Variants in RARB observed in about 807,000 individuals in gnomAD.
RARB encodes the protein HBV-activated protein.
In RARB, 17 loss-of-function variants were observed where a neutral mutation model predicts 51.9. That is an observed-to-expected ratio of 0.33 (90% CI 0.22 to 0.49). The LOEUF (loss-of-function observed/expected upper bound fraction) is 0.49. Ranked by LOEUF, RARB falls within the 20% of genes least tolerant of loss-of-function variation. RARB has a pLI of 0.99. For synonymous variants in RARB, 215 were observed against 195.4 expected (o/e 1.10, Z -0.84); for missense variants, 369 against 550.8 (o/e 0.67, Z 3.30).
At chr3:25,403,494 A>G (rs1707321157) in intron 5 of RARB, among the ~76,000 whole-genome samples, 1 of 152,242 alleles carries the variant, frequency 6.6e-6, no homozygotes, top group Admixed American at 6.5e-5. Flanking sequence ...AATTTATGTT[A>G]CTTAGGCTAG....
chr3:25,360,964 G>A (rs1187457527), intron 5 of RARB, among the ~76,000 whole-genome samples: 4 of 152,096 alleles, frequency 2.6e-5, no homozygotes, highest in African/African-American at 9.7e-5. Context: ...TCTTGGAGTT[G>A]CTCTTCTCAA....
chr3:25,561,678 C>T (rs1381806213), intron 3 of RARB, among the ~76,000 whole-genome samples: 1 of 152,110 alleles, frequency 6.6e-6, no homozygotes, highest in African/African-American at 2.4e-5. Context: ...TTTTACATAA[C>T]ATTTTAAGAG....
chr3:25,073,421 T>G (rs78103883), intron 3 of RARB, among the ~76,000 whole-genome samples: 3,896 of 152,314 alleles, frequency 0.026, 216 homozygotes, highest in South Asian at 0.17. Flanking sequence ...CTCAGAACAT[T>G]AGTTCTGCAA....
At position 25,560,714 on chromosome 3, in the gene RARB, C is replaced by T. The variant is rs1190901833; in HGVS notation, c.449-9044C>T. ...TCTTTCCTCCCTCCCTCATTTTTTCCTTCCTTGGTTTCTTTCTACCTTCCT... is the reference window on the plus strand; with the variant it reads ...TCTTTCCTCCCTCCCTCATTTTTTCTTTCCTTGGTTTCTTTCTACCTTCCT... On this transcript the variant is annotated intron_variant, in intron 3 of 7. Transcript: ENST00000330688. Among the ~76,000 whole-genome samples, 6 of 152,064 alleles carry T rather than the reference C, an allele frequency of 3.9e-5. No homozygotes were observed. The South Asian group carries it at 8.3e-4, about 21-fold the overall frequency.
chr3:25,154,473 T>G (rs1700342928), intron 4 of RARB, among the ~76,000 whole-genome samples: 1 of 152,306 alleles, frequency 6.6e-6, no homozygotes, highest in African/African-American at 2.4e-5. Context: ...TTGGGCCCTC[T>G]CAGTGGGACC....
intron 3 of RARB, among the ~76,000 whole-genome samples, chr3:25,072,675 TTCTA>T (rs1698791102): frequency 6.6e-6 from 1 of 152,144 alleles, no homozygotes; most frequent in Admixed American, 6.5e-5. Context: ...TAGAAATGGC[TTCTA>T]TCTACCTACA....
At chr3:25,376,598 C>T (rs961654661) in intron 5 of RARB, among the ~76,000 whole-genome samples, 8 of 152,152 alleles carry the variant, frequency 5.3e-5, no homozygotes, top group Non-Finnish European at 1.0e-4. Context: ...GTGCACCTAC[C>T]TACACAACTC....
At chr3:25,148,537 A>G (rs1700231084) in intron 4 of RARB, among the ~76,000 whole-genome samples, 1 of 152,138 alleles carries the variant, frequency 6.6e-6, no homozygotes, top group South Asian at 2.1e-4. Flanking sequence ...TTTCTACGGT[A>G]TTTACTGACA....
intron 2 of RARB, among the ~76,000 whole-genome samples, chr3:25,056,954 A>G (rs1698453546): frequency 6.6e-6 from 1 of 152,044 alleles, no homozygotes; most frequent in Admixed American, 6.6e-5. Flanking sequence ...GAAGTAAACC[A>G]TATGGTTAGT....
At chr3:24,928,625 A>C (rs1019389695) in intron 2 of RARB, among the ~76,000 whole-genome samples, 5 of 152,030 alleles carry the variant, frequency 3.3e-5, no homozygotes, top group African/African-American at 1.2e-4. Context: ...GCTTCTCAGC[A>C]AAAAGTGTTA....
intron 4 of RARB, among the ~76,000 whole-genome samples, chr3:25,163,287 T>C (rs1414424797): frequency 6.6e-6 from 1 of 152,086 alleles, no homozygotes; most frequent in Non-Finnish European, 1.5e-5. Context: ...GCAGATTGCT[T>C]GAGTCTAGGA....
rs569478968 is a variant in RARB, at chr3:25,328,852, G to A, written c.179-132341G>A. On this transcript the variant is annotated intron_variant, in intron 5 of 11. Transcript: ENST00000383772. The stretch of plus-strand genomic sequence containing the variant: ...ATACTGTGCTTTTCCAATGGTCTTA[G>A]CAAATGGCACACCAGGAGATTATGT... 1.2e-4 allele frequency among the ~76,000 whole-genome samples: 19 copies of A among 152,320 alleles called. No individual in the cohort carries two copies. In the East Asian group the frequency reaches 3.5e-3, roughly 28 times the overall value.
rs13073255 is a variant in RARB at position 25,391,408 on chromosome 3, C to A, written c.179-69785C>A. Among the ~76,000 whole-genome samples, 6 of 152,070 alleles carry A rather than the reference C, an allele frequency of 3.9e-5. No homozygotes were observed. In the East Asian group the frequency reaches 9.7e-4, roughly 25 times the overall value. On this transcript the variant is annotated intron_variant, in intron 5 of 11. Coordinates refer to the RARB transcript ENST00000383772. ...TGACTTCTTTTCCTCTAGGTAAATACTCAATAGTGGGATTGCTGCATCAAA... is the reference window on the plus strand; with the variant it reads ...TGACTTCTTTTCCTCTAGGTAAATAATCAATAGTGGGATTGCTGCATCAAA...
At chr3:24,886,731 T>C (rs1703275039) in intron 2 of RARB, among the ~76,000 whole-genome samples, 1 of 152,116 alleles carries the variant, frequency 6.6e-6, no homozygotes. Flanking sequence ...CCACCGCGCC[T>C]AACCTGTAGA....
At chr3:25,102,010 C>A (rs936285410) in intron 3 of RARB, among the ~76,000 whole-genome samples, 1 of 152,076 alleles carries the variant, frequency 6.6e-6, no homozygotes, top group African/African-American at 2.4e-5. Context: ...GTACAGGTCT[C>A]CAGTCCTTAA....
chr3:25,502,118 T>C (rs1162983753), intron 3 of RARB, among the ~76,000 whole-genome samples: 1 of 152,178 alleles, frequency 6.6e-6, no homozygotes, highest in Admixed American at 6.5e-5. Context: ...TGCTGCTCTT[T>C]CTGTCACTCC....
intron 5 of RARB, among the ~76,000 whole-genome samples, chr3:25,230,166 C>T (rs1310380050): frequency 1.3e-5 from 2 of 152,090 alleles, no homozygotes; most frequent in African/African-American, 4.8e-5. Flanking sequence ...TATAGAAACA[C>T]ATTCTAAAAA....
rs1021879968 is a variant in RARB, at chr3:25,005,410, T to C, written c.-379-54715T>C. Among the ~76,000 whole-genome samples, 68 of 152,164 alleles carry C rather than the reference T, an allele frequency of 4.5e-4. 1 individual carries two copies. The highest frequency in any genetic ancestry group is 3.3e-4 in the Admixed American group (5 of 15,272). ...CAAGCTGTCAGCTAGGACTGAAGGC[T>C]TACCTGGCACTGGAGGATTGGCTTC... On this transcript the variant is annotated intron_variant, in intron 2 of 11. Coordinates refer to the RARB transcript ENST00000383772.
At chr3:25,109,698 A>G (rs1699567304) in intron 3 of RARB, among the ~76,000 whole-genome samples, 1 of 152,196 alleles carries the variant, frequency 6.6e-6, no homozygotes, top group Non-Finnish European at 1.5e-5. Context: ...ACTGGGAGGC[A>G]GGATAACCAA....
Sources: allele counts gnomAD v4.1 joint callset (sites outside exome capture counted in the v4.1 genomes callset), GRCh38; gene constraint gnomAD v4.1.1; transcripts MANE v1.5; gene names NCBI Gene and HGNC (gene_info 2026-07-23, HGNC 2026-07-21).